Variants in PPP2R5C observed in about 807,000 individuals in gnomAD.
PPP2R5C encodes protein phosphatase 2 regulatory subunit B'gamma.
A neutral mutation model predicts 68.9 loss-of-function variants in PPP2R5C; 7 were observed. The observed-to-expected ratio is 0.10, with a 90% confidence interval of 0.06 to 0.19. PPP2R5C has a LOEUF of 0.19. PPP2R5C is among the 10% of genes least tolerant of loss of function. PPP2R5C has a pLI of 1.00. For missense variants in PPP2R5C, 348 were observed against 641.3 expected (o/e 0.54, Z 4.94); for synonymous variants, 210 against 222.2 (o/e 0.95, Z 0.49).
At chr14:101,816,899 A>AATAT (rs1176948924) in intron 1 of PPP2R5C, among the ~76,000 whole-genome samples, 2 of 127,164 alleles carry the variant, frequency 1.6e-5, no homozygotes, top group Non-Finnish European at 3.2e-5. Flanking sequence ...ATATTATATA[A>AATAT]ATATATATAT....
intron 2 of PPP2R5C, 61 bp from the exon 3 acceptor site, chr14:101,785,957 A>C: frequency 7.2e-7 from 1 of 1,398,186 alleles, no homozygotes; most frequent in Non-Finnish European, 9.5e-7. Flanking sequence ...TCTATATTTT[A>C]ATAGTGCTAC....
intron 2 of PPP2R5C, among the ~76,000 whole-genome samples, chr14:101,862,393 T>C (rs2042798691): frequency 6.6e-6 from 1 of 152,212 alleles, no homozygotes; most frequent in African/African-American, 2.4e-5. Flanking sequence ...ATTTTCCAAA[T>C]GACCGGTAAA....
At chr14:101,845,765 T>C (rs2041788944) in intron 1 of PPP2R5C, among the ~76,000 whole-genome samples, 1 of 152,128 alleles carries the variant, frequency 6.6e-6, no homozygotes, top group Admixed American at 6.5e-5. Context: ...AGCTTGGTCC[T>C]GGGGTTAGCA....
intron 2 of PPP2R5C, among the ~76,000 whole-genome samples, chr14:101,876,615 T>C (rs1041296196): frequency 1.3e-5 from 2 of 152,200 alleles, no homozygotes; most frequent in African/African-American, 2.4e-5. Flanking sequence ...TTTAATAAAT[T>C]TAGCAATTTG....
intron 3 of PPP2R5C, among the ~76,000 whole-genome samples, chr14:101,790,578 C>T (rs1229337644): frequency 6.6e-6 from 1 of 152,118 alleles, no homozygotes; most frequent in African/African-American, 2.4e-5. Context: ...TTTTTAATGC[C>T]GCATCATATT....
At position 101,916,791 on chromosome 14, in the gene PPP2R5C, G is replaced by A. The variant is rs182565850; in HGVS notation, c.1327-1040G>A. On this transcript the variant is annotated intron_variant, in intron 12 of 13. Transcript: ENST00000334743. This position sits in a 1 kb window ranked among gnomAD's most constrained non-coding sequence, Gnocchi z 5.5. The stretch of plus-strand genomic sequence containing the variant: ...ACAGGAGCTCAGCCTGAAAGAGGCC[G>A]AAGCTGTGGGACTCACTGGGCAGAG... 3.9e-5 allele frequency among the ~76,000 whole-genome samples: 6 copies of A among 152,214 alleles called. No individual in the cohort carries two copies. Among genetic ancestry groups the A allele is most frequent in the East Asian group, 1.9e-4 (1 of 5,178 alleles).
intron 13 of PPP2R5C, among the ~76,000 whole-genome samples, chr14:101,919,733 C>T (rs899031150): frequency 2.0e-5 from 3 of 152,142 alleles, no homozygotes; most frequent in Middle Eastern, 3.4e-3. Context: ...TTTGGGAGGC[C>T]GAGGCAGGCA....
rs917612531 is a variant in PPP2R5C, at chr14:101,915,197, C to T, written c.1327-2634C>T. On this transcript the variant is annotated intron_variant, in intron 12 of 13. Transcript: ENST00000334743. The surrounding 1 kb of genome is among the most constrained non-coding windows in gnomAD (Gnocchi z 4.2). ...GTTCAAGCAGTCCTCCGGAGTGCCT[C>T]AGCCTCCCAAGTATGCTGGGACTAC... Among the ~76,000 whole-genome samples, 2 of 152,164 alleles carry T rather than the reference C, an allele frequency of 1.3e-5. No individual in the cohort carries two copies. Among genetic ancestry groups the T allele is most frequent in the Admixed American group, 6.5e-5 (1 of 15,280 alleles).
chr14:101,854,552 G>A (rs1321264154), intron 1 of PPP2R5C, among the ~76,000 whole-genome samples: 1 of 152,218 alleles, frequency 6.6e-6, no homozygotes, highest in Non-Finnish European at 1.5e-5. Context: ...TCAACAGGAA[G>A]TTGACAGTAG....
rs2044242449 is a variant in PPP2R5C at position 101,882,768 on chromosome 14, C to A, written c.406-489C>A. ...TGACAGGCGGCCCACGCTGTCCCAC[C>A]CAGCATGTCTGCACAGGGAAAGAAT... On this transcript the variant is annotated intron_variant, in intron 3 of 13. Coordinates refer to ENST00000334743, the Ensembl canonical transcript of PPP2R5C. The surrounding 1 kb of genome is among the most constrained non-coding windows in gnomAD (Gnocchi z 4.9). 1.2e-5 allele frequency: 2 copies of A among 162,526 alleles called. No homozygotes were observed. Among genetic ancestry groups the A allele is most frequent in the South Asian group, 3.5e-4 (2 of 5,788 alleles). 10.1% of individuals were successfully genotyped at this position (162,526 alleles called of 1,614,324 possible).
chr14:101,765,378 T>C (rs1249140903), intron 2 of PPP2R5C: 9 of 639,568 alleles, frequency 1.4e-5, no homozygotes, highest in Non-Finnish European at 2.3e-5. Flanking sequence ...TTGTTTTTTT[T>C]CCCCTCAGTC....
In PPP2R5C at chr14:101,764,003, TTGTG is replaced by T. The variant is rs3221573; in HGVS notation, c.93+1056_93+1059del. Among the ~76,000 whole-genome samples, 289 of 137,248 alleles carry T rather than the reference TTGTG, an allele frequency of 2.1e-3. 1 individual carries two copies. Among genetic ancestry groups the T allele is most frequent in the Admixed American group, 3.3e-3 (47 of 14,404 alleles). The allele number at this position is 137,248 out of a possible 152,430, so 90.0% of individuals were successfully genotyped here. On this transcript the variant is annotated intron_variant, in intron 2 of 14. Transcript: ENST00000328724. ...TTTTGGTATTTTATTATTGTTCACA[TTGTG>T]TGTGTGTGTGTGTGTGTGTGTGGGC...
intron 5 of PPP2R5C, chr14:101,889,933 C>T: frequency 1.9e-6 from 1 of 515,150 alleles, no homozygotes; most frequent in Admixed American, 2.3e-5. Context: ...GTGGTCGAAT[C>T]TGGTGGTTGA....
chr14:101,883,374 C>G (rs1296929602), intron 4 of PPP2R5C, 25 bp downstream of exon 6: 3 of 1,608,844 alleles, frequency 1.9e-6, no homozygotes, highest in Non-Finnish European at 2.5e-6. Flanking sequence ...AGCTGACACT[C>G]TGAAAGCCCT....
chr14:101,885,113 G>C (rs1393974386), intron 5 of PPP2R5C, among the ~76,000 whole-genome samples: 1 of 152,242 alleles, frequency 6.6e-6, no homozygotes, highest in Non-Finnish European at 1.5e-5. Context: ...AGCATGAGCA[G>C]GTCCCACACA....
rs10588262 is a variant in PPP2R5C at position 101,825,211 on chromosome 14, CGT to C, written c.94+15212_94+15213del. 0.58 allele frequency among the ~76,000 whole-genome samples: 83,162 copies of C among 142,828 alleles called. 25,119 individuals carry two copies. Among genetic ancestry groups the C allele is most frequent in the South Asian group, 0.71 (3,043 of 4,302 alleles). The allele number at this position is 142,828 out of a possible 152,430, so 93.7% of individuals were successfully genotyped here. ...AGGGATAGGATAAGAGGGTTTTCAGCGTGTGTGTGTGTGTGTGTGTGTGTGTG... is the reference window on the plus strand; with the variant it reads ...AGGGATAGGATAAGAGGGTTTTCAGCGTGTGTGTGTGTGTGTGTGTGTGTG... On this transcript the variant is annotated intron_variant, in intron 1 of 13. Transcript: ENST00000334743. This position sits in a 1 kb window ranked among gnomAD's most constrained non-coding sequence, Gnocchi z 4.0.
At chr14:101,912,011 T>C (rs1222103074) in intron 11 of PPP2R5C, among the ~76,000 whole-genome samples, 1 of 152,140 alleles carries the variant, frequency 6.6e-6, no homozygotes, top group Non-Finnish European at 1.5e-5. Context: ...GGAATGGGAA[T>C]GCTGGCTCCT....
chr14:101,823,580 A>G (rs1209241202), intron 1 of PPP2R5C: 1 of 210,700 alleles, frequency 4.7e-6, no homozygotes, highest in Non-Finnish European at 8.3e-6. Context: ...AAAAGGGTTC[A>G]TTAACCGTCG....
intron 10 of PPP2R5C, among the ~76,000 whole-genome samples, chr14:101,908,017 G>C (rs1418559390): frequency 6.6e-6 from 1 of 152,208 alleles, no homozygotes; most frequent in African/African-American, 2.4e-5. Context: ...GATGACTTTG[G>C]TTCACATTCC....
Sources: allele counts gnomAD v4.1 joint callset (sites outside exome capture counted in the v4.1 genomes callset), GRCh38; gene constraint gnomAD v4.1.1; non-coding constraint Gnocchi (gnomAD v3.1); transcripts MANE v1.5; gene names NCBI Gene and HGNC (gene_info 2026-07-23, HGNC 2026-07-21).